Variants in LDB2 observed in about 807,000 individuals in gnomAD.
LDB2 encodes LIM domain binding 2.
A neutral mutation model predicts 44.3 loss-of-function variants in LDB2; 12 were observed. The ratio of observed to expected loss-of-function variants is 0.27; its 90% CI spans 0.17 to 0.44. LDB2 has a LOEUF of 0.44. LDB2 is among the 20% of genes least tolerant of loss of function. The pLI is 1.00. For synonymous variants in LDB2, 164 were observed against 174.8 expected (o/e 0.94, Z 0.49); for missense variants, 344 against 473.5 (o/e 0.73, Z 2.54).
chr4:16,527,672 A>G (rs989778069), intron 5 of LDB2, among the ~76,000 whole-genome samples: 2 of 152,176 alleles, frequency 1.3e-5, no homozygotes, highest in East Asian at 1.9e-4. Flanking sequence ...ACCAGCCCAC[A>G]TGCCCATCAA....
At chr4:16,819,375 A>C (rs1781533172) in intron 1 of LDB2, among the ~76,000 whole-genome samples, 1 of 148,222 alleles carries the variant, frequency 6.7e-6, no homozygotes, top group Non-Finnish European at 1.5e-5. Flanking sequence ...ATATTTTATT[A>C]TTCAAACCCC....
At chr4:16,612,185 T>C (rs1725851338) in intron 2 of LDB2, among the ~76,000 whole-genome samples, 1 of 152,204 alleles carries the variant, frequency 6.6e-6, no homozygotes, top group Non-Finnish European at 1.5e-5. Context: ...ACAGACAATG[T>C]ACCAGAATCT....
chr4:16,519,069 A>T (rs1476054365), intron 5 of LDB2, among the ~76,000 whole-genome samples: 2 of 152,116 alleles, frequency 1.3e-5, no homozygotes, highest in African/African-American at 4.8e-5. Flanking sequence ...TGCATTAGAA[A>T]TTTTCCTTTC....
intron 1 of LDB2, among the ~76,000 whole-genome samples, chr4:16,803,876 A>C (rs1441790161): frequency 6.6e-6 from 1 of 152,254 alleles, no homozygotes; most frequent in Non-Finnish European, 1.5e-5. Flanking sequence ...CTTTTTAAAA[A>C]ATATATAACT....
chr4:16,708,315 T>TA (rs938228551), intron 2 of LDB2, among the ~76,000 whole-genome samples: 9 of 151,974 alleles, frequency 5.9e-5, no homozygotes, highest in Admixed American at 3.9e-4. Context: ...GACCCTGTCT[T>TA]AAAAAAAATT....
intron 1 of LDB2, among the ~76,000 whole-genome samples, chr4:16,876,227 G>T (rs574665455): frequency 6.6e-6 from 1 of 152,290 alleles, no homozygotes; most frequent in South Asian, 2.1e-4. Context: ...ACTATTCTGG[G>T]TCTATTTCTT....
intron 2 of LDB2, among the ~76,000 whole-genome samples, chr4:16,618,079 C>T (rs111594783): frequency 1.9e-4 from 29 of 152,246 alleles, no homozygotes; most frequent in African/African-American, 6.0e-4. Flanking sequence ...TTCTGTTAGG[C>T]GCACCTCCTG....
At chr4:16,588,648 C>G in intron 4 of LDB2, 62 bp downstream of exon 4, 1 of 1,561,986 alleles carries the variant, frequency 6.4e-7, no homozygotes, top group African/African-American at 1.4e-5. Context: ...GGTTTTTCCC[C>G]TTGAGTGAAA....
In LDB2 at chr4:16,602,753, C is replaced by T. The variant is rs569306871; in HGVS notation, c.236-6878G>A. Among the ~76,000 whole-genome samples, 23 of 152,190 alleles carry T rather than the reference C, an allele frequency of 1.5e-4. 2 individuals carry two copies. The South Asian group carries it at 4.6e-3, about 30-fold the overall frequency. On this transcript the variant is annotated intron_variant, in intron 2 of 7. Transcript: ENST00000304523. ...CCAAGACTTCAGTCACCCTACCTTG[C>T]AGTAGATGCTAAGTGCTAGAGAAAC...
chr4:16,727,070 A>G (rs1275868814), intron 2 of LDB2, among the ~76,000 whole-genome samples: 1 of 152,216 alleles, frequency 6.6e-6, no homozygotes, highest in Non-Finnish European at 1.5e-5. Flanking sequence ...GGATTAAGAA[A>G]TTGATGAAAT....
At chr4:16,887,128 G>C (rs913625527) in intron 1 of LDB2, among the ~76,000 whole-genome samples, 5 of 146,122 alleles carry the variant, frequency 3.4e-5, no homozygotes, top group Admixed American at 2.7e-4. Context: ...AAAAGTTTTT[G>C]TAGTGTTGAG....
At chr4:16,567,100 A>G (rs190393194) in intron 5 of LDB2, among the ~76,000 whole-genome samples, 18 of 152,362 alleles carry the variant, frequency 1.2e-4, no homozygotes, top group African/African-American at 4.3e-4. Context: ...TACAATGTAT[A>G]TATCTTTTCA....
At chr4:16,759,085 T>A in intron 2 of LDB2, 73 bp downstream of exon 2, 2 of 938,714 alleles carry the variant, frequency 2.1e-6, no homozygotes, top group Admixed American at 3.6e-5. Flanking sequence ...TCTGTGCTAT[T>A]CTCTGAAGAC....
At chr4:16,810,950 C>A (rs1779736649) in intron 1 of LDB2, among the ~76,000 whole-genome samples, 1 of 152,174 alleles carries the variant, frequency 6.6e-6, no homozygotes, top group Non-Finnish European at 1.5e-5. Context: ...AATTTTTCCA[C>A]AGACTGGTGG....
intron 2 of LDB2, among the ~76,000 whole-genome samples, chr4:16,646,227 A>G (rs1736758615): frequency 6.6e-6 from 1 of 152,184 alleles, no homozygotes; most frequent in African/African-American, 2.4e-5. Flanking sequence ...TTTTTAAAAT[A>G]TGCTGTAATG....
At chr4:16,646,671 G>T (rs781747825) in intron 2 of LDB2, among the ~76,000 whole-genome samples, 2 of 152,178 alleles carry the variant, frequency 1.3e-5, no homozygotes, top group South Asian at 2.1e-4. Flanking sequence ...TTAAGAGGAA[G>T]AAATCAATAT....
chr4:16,787,721 T>C (rs965152878), intron 1 of LDB2, among the ~76,000 whole-genome samples: 4 of 152,214 alleles, frequency 2.6e-5, no homozygotes, highest in African/African-American at 7.2e-5. Context: ...TTCTACCACT[T>C]AGAAGGCATA....
chr4:16,815,642 T>C (rs1780755089), intron 1 of LDB2, among the ~76,000 whole-genome samples: 1 of 152,140 alleles, frequency 6.6e-6, no homozygotes, highest in Non-Finnish European at 1.5e-5. Context: ...ACTCTTCAAG[T>C]CTCAAGACAA....
At chr4:16,869,813 C>A (rs1250411766) in intron 1 of LDB2, among the ~76,000 whole-genome samples, 2 of 152,176 alleles carry the variant, frequency 1.3e-5, no homozygotes, top group Non-Finnish European at 2.9e-5. Flanking sequence ...TTTTTGGTCG[C>A]CTTCCATCTT....
Sources: gnomAD v4.1 joint callset for allele counts (sites outside exome capture counted in the v4.1 genomes callset) on GRCh38, gnomAD v4.1.1 for gene constraint, MANE v1.5 for transcripts, NCBI Gene and HGNC (gene_info 2026-07-23, HGNC 2026-07-21) for gene names.